Variants in STK32B observed in about 807,000 individuals in gnomAD.
STK32B encodes serine/threonine-protein kinase 32B.
A neutral mutation model predicts 52.6 loss-of-function variants in STK32B; 43 were observed. The ratio of observed to expected loss-of-function variants is 0.82; its 90% CI spans 0.64 to 1.05. STK32B has a LOEUF of 1.05. Ranked by LOEUF, STK32B falls within the 50% of genes least tolerant of loss-of-function variation. The probability of loss-of-function intolerance (pLI) is 0.00; values close to 1 mark genes in which losing one functional copy is unlikely to be tolerated. For missense variants in STK32B, 621 were observed against 534.6 expected, an observed-to-expected ratio of 1.16 and a Z score of -1.59; for synonymous variants, 238 against 204.3, an observed-to-expected ratio of 1.17 and a Z score of -1.41.
the STK32B span, among the ~76,000 whole-genome samples, chr4:5,030,685 TAATA>T: frequency 6.6e-6 from 1 of 152,184 alleles, no homozygotes; most frequent in Non-Finnish European, 1.5e-5. Flanking sequence ...TACCATTAAT[TAATA>T]GTGGAGCCCA....
Position 5,119,982 on chromosome 4 carries a change from C to A in STK32B, c.53-19923C>A, listed in dbSNP as rs376848873. Reference sequence around the variant, plus strand: ...TTTCACTTTCCTCGGTTTCAGTGAACCTTGGTCAACCATGGTCTGAAATAT... The same window carrying A: ...TTTCACTTTCCTCGGTTTCAGTGAAACTTGGTCAACCATGGTCTGAAATAT... On this transcript the variant is annotated intron_variant, in intron 1 of 11. Coordinates refer to ENST00000282908, the MANE Select transcript of STK32B (RefSeq NM_018401.3). Among the ~76,000 whole-genome samples, 10 of 152,282 alleles carry A rather than the reference C, an allele frequency of 6.6e-5. No individual in the cohort carries two copies. The East Asian group carries it at 9.6e-4, about 15-fold the overall frequency.
chr4:5,295,283 C>G (rs1333740688), intron 3 of STK32B, among the ~76,000 whole-genome samples: 2 of 151,152 alleles, frequency 1.3e-5, no homozygotes, highest in East Asian at 1.9e-4. Context: ...AGGATGATGC[C>G]TCATAAAACG....
chr4:5,096,556 G>A (rs1713407847), intron 1 of STK32B, among the ~76,000 whole-genome samples: 1 of 152,190 alleles, frequency 6.6e-6, no homozygotes, highest in Non-Finnish European at 1.5e-5. Flanking sequence ...TCTGTTGGAA[G>A]GGCTACATTA....
chr4:5,385,067 G>T (rs923374790), intron 4 of STK32B, among the ~76,000 whole-genome samples: 3 of 152,148 alleles, frequency 2.0e-5, no homozygotes, highest in Non-Finnish European at 4.4e-5. Flanking sequence ...ACAGGTGACT[G>T]CAACAAGGAA....
At chr4:5,264,791 A>C (rs75635695) in intron 3 of STK32B, among the ~76,000 whole-genome samples, 1 of 118,804 alleles carries the variant, frequency 8.4e-6, no homozygotes, top group African/African-American at 5.4e-5. Context: ...CATCTCAAAC[A>C]AAAAAAAAAA....
intron 3 of STK32B, among the ~76,000 whole-genome samples, chr4:5,325,396 G>T (rs1476765032): frequency 6.6e-6 from 1 of 152,010 alleles, no homozygotes; most frequent in African/African-American, 2.4e-5. Context: ...TCTGTGTGCT[G>T]GGGAGATTTG....
At chr4:5,177,699 T>G (rs1045020338) in intron 3 of STK32B, among the ~76,000 whole-genome samples, 1 of 152,186 alleles carries the variant, frequency 6.6e-6, no homozygotes, top group Admixed American at 6.5e-5. Context: ...TAGGTAAATA[T>G]ACCCATTCCA....
Position 5,395,202 on chromosome 4 carries a change from A to G in STK32B, c.435-3005A>G, listed in dbSNP as rs1317925959. 1.3e-5 allele frequency among the ~76,000 whole-genome samples: 2 copies of G among 152,178 alleles called. No homozygotes were observed. Among genetic ancestry groups the G allele is most frequent in the African/African-American group, 4.8e-5 (2 of 41,438 alleles). On this transcript the variant is annotated intron_variant, in intron 4 of 11. Transcript: ENST00000282908. The surrounding 1 kb of genome is among the most constrained non-coding windows in gnomAD (Gnocchi z 4.4). ...TCTTGAGCTCTCACTCCAGTCTGCCAAGACAGAGTCATATAATGTAACATA... is the reference window on the plus strand; with the variant it reads ...TCTTGAGCTCTCACTCCAGTCTGCCGAGACAGAGTCATATAATGTAACATA...
intron 1 of STK32B, among the ~76,000 whole-genome samples, chr4:5,092,552 A>G (rs1713148440): frequency 6.7e-6 from 1 of 149,142 alleles, no homozygotes; most frequent in Non-Finnish European, 1.5e-5. Context: ...AAAAAAAAAG[A>G]AGAAGAAAAC....
the STK32B span, among the ~76,000 whole-genome samples, chr4:5,019,762 G>T: frequency 6.6e-6 from 1 of 152,202 alleles, no homozygotes. Flanking sequence ...CAGATGGAGA[G>T]GGGTGGGGGA....
rs569606476 is a variant in STK32B, at chr4:5,399,300, C to G, written c.472+1056C>G. Among the ~76,000 whole-genome samples, 1 of 152,282 alleles carries G rather than the reference C, an allele frequency of 6.6e-6. No homozygotes were observed. Among genetic ancestry groups the G allele is most frequent in the African/African-American group, 2.4e-5 (1 of 41,538 alleles). On this transcript the variant is annotated intron_variant, in intron 5 of 11. Coordinates refer to ENST00000282908, the MANE Select transcript of STK32B (RefSeq NM_018401.3). This position sits in a 1 kb window ranked among gnomAD's most constrained non-coding sequence, Gnocchi z 5.4. ...AGTCACATTTTCTACGCAGCTCCCC[C>G]ACCCTCCTTCCCCACCTCTGCAGGC...
chr4:5,448,430 G>A (rs1172932167), intron 7 of STK32B, among the ~76,000 whole-genome samples: 2 of 152,154 alleles, frequency 1.3e-5, no homozygotes, highest in Non-Finnish European at 2.9e-5. Context: ...ACCGGCATCC[G>A]CCAGAGGCTG....
At position 5,428,737 on chromosome 4, in the gene STK32B, A is replaced by AT. The variant is rs1321037901; in HGVS notation, c.562+11804dup. On this transcript the variant is annotated intron_variant, in intron 6 of 11. Coordinates refer to ENST00000282908, the MANE Select transcript of STK32B (RefSeq NM_018401.3). ...TCTACTTCTTATATCAATTACTAAGATGTAAGTGTTGGAATTCCCAGCTAT... is the reference window on the plus strand; with the variant it reads ...TCTACTTCTTATATCAATTACTAAGATTGTAAGTGTTGGAATTCCCAGCTAT... 3.9e-5 allele frequency among the ~76,000 whole-genome samples: 6 copies of AT among 152,316 alleles called. No homozygotes were observed. In the East Asian group the frequency reaches 1.2e-3, roughly 29 times the overall value.
chr4:5,114,878 C>T (rs965671761), intron 1 of STK32B, among the ~76,000 whole-genome samples: 2 of 152,094 alleles, frequency 1.3e-5, no homozygotes, highest in African/African-American at 4.8e-5. Context: ...TGGAGCCTGT[C>T]CTTTGTTCCT....
the STK32B span, among the ~76,000 whole-genome samples, chr4:5,037,138 G>A: frequency 6.6e-6 from 1 of 152,172 alleles, no homozygotes; most frequent in African/African-American, 2.4e-5. Context: ...ACTGTAGGAT[G>A]CTGAGCAGCA....
intron 8 of STK32B, among the ~76,000 whole-genome samples, chr4:5,458,073 C>A (rs1164300237): frequency 6.6e-6 from 1 of 152,206 alleles, no homozygotes; most frequent in African/African-American, 2.4e-5. Flanking sequence ...CAGCCAGCAT[C>A]AGTGTCATGT....
chr4:5,270,954 G>A (rs865869920), intron 3 of STK32B, among the ~76,000 whole-genome samples: 39 of 119,210 alleles, frequency 3.3e-4, no homozygotes, highest in African/African-American at 1.2e-3. Flanking sequence ...CGCCCCTCCC[G>A]CCCAGAGACA....
chr4:5,348,646 C>T (rs1733628787), intron 4 of STK32B, among the ~76,000 whole-genome samples: 1 of 152,204 alleles, frequency 6.6e-6, no homozygotes, highest in Non-Finnish European at 1.5e-5. Context: ...CCGCTAACAG[C>T]ATCCCCACAC....
intron 3 of STK32B, among the ~76,000 whole-genome samples, chr4:5,191,124 A>G (rs1033866015): frequency 1.3e-5 from 2 of 152,178 alleles, no homozygotes; most frequent in African/African-American, 4.8e-5. Context: ...GCTGTGAAGT[A>G]AAAACCTTAA....
Sources: allele counts gnomAD v4.1 joint callset (sites outside exome capture counted in the v4.1 genomes callset), GRCh38; gene constraint gnomAD v4.1.1; non-coding constraint Gnocchi (gnomAD v3.1); transcripts MANE v1.5; gene names NCBI Gene and HGNC (gene_info 2026-07-23, HGNC 2026-07-21).